The following PARD3B variants were observed in gnomAD, a reference collection of about 807,000 sequenced individuals.
PARD3B encodes partitioning defective 3 homolog B.
A neutral mutation model predicts 130.2 loss-of-function variants in PARD3B; 103 were observed. The observed-to-expected ratio is 0.79, with a 90% CI of 0.67 to 0.93. The LOEUF (loss-of-function observed/expected upper bound fraction) is 0.93. PARD3B is among the 40% of genes least tolerant of loss of function. PARD3B has a pLI of 0.00. For synonymous variants in PARD3B, 583 were observed against 553.2 expected (o/e 1.05, Z -0.76); for missense variants, 1,609 against 1,499.2 (o/e 1.07, Z -1.21).
chr2:204,910,491 A>G (rs1023032669), intron 2 of PARD3B, among the ~76,000 whole-genome samples: 1 of 152,208 alleles, frequency 6.6e-6, no homozygotes, highest in African/African-American at 2.4e-5. Flanking sequence ...GTGAAGCAAA[A>G]GCAATTAAAT....
At chr2:205,227,471 C>A (rs769338073) in intron 15 of PARD3B, among the ~76,000 whole-genome samples, 47 of 152,182 alleles carry the variant, frequency 3.1e-4, no homozygotes, top group South Asian at 8.3e-4. Context: ...GCCCTGAAAT[C>A]TATTTTGCCT....
At chr2:204,732,739 CT>C (rs921573495) in intron 2 of PARD3B, among the ~76,000 whole-genome samples, 1 of 152,134 alleles carries the variant, frequency 6.6e-6, no homozygotes, top group Non-Finnish European at 1.5e-5. Context: ...ACATGTGTAC[CT>C]TACTTATGGA....
chr2:205,515,097 T>C (rs907962779), intron 21 of PARD3B, among the ~76,000 whole-genome samples: 1 of 152,152 alleles, frequency 6.6e-6, no homozygotes, highest in Admixed American at 6.6e-5. Flanking sequence ...AGTACTTGGT[T>C]TTCTGTTCCT....
intron 2 of PARD3B, among the ~76,000 whole-genome samples, chr2:204,916,545 T>A (rs1303581267): frequency 6.6e-6 from 1 of 152,206 alleles, no homozygotes; most frequent in Non-Finnish European, 1.5e-5. Flanking sequence ...TTTACATTTT[T>A]TACATGAGTG....
chr2:205,121,651 T>C lies in PARD3B; in HGVS notation c.867T>C (p.Pro289=). The C allele has an allele frequency of 6.2e-7, 1 of 1,614,162 alleles. No individual in the cohort carries two copies. Among genetic ancestry groups the C allele is most frequent in the Non-Finnish European group, 8.5e-7 (1 of 1,180,022 alleles). ...KSPSVLLHVL[P]PQNREQYEKS... ...CAAGTGTGCTCCTCCACGTGCTTCCTCCACAAAACCGTGAACAGTATGAAA... is the reference window on the plus strand; with the variant it reads ...CAAGTGTGCTCCTCCACGTGCTTCCCCCACAAAACCGTGAACAGTATGAAA... The change falls in exon 8 of 23, where the codon CCT becomes CCC. Residue 289 remains proline (P), a synonymous_variant. Coordinates refer to ENST00000406610, the MANE Select transcript of PARD3B (RefSeq NM_001302769.2). The surrounding 1 kb of genome is among the most constrained non-coding windows in gnomAD (Gnocchi z 5.0).
intron 3 of PARD3B, among the ~76,000 whole-genome samples, chr2:204,999,295 G>A (rs1362005340): frequency 6.6e-6 from 1 of 152,092 alleles, no homozygotes; most frequent in African/African-American, 2.4e-5. Context: ...GAGATGGAAG[G>A]AATGACTCGT....
chr2:205,538,472 T>TACACACACAC (rs71410824), intron 21 of PARD3B, among the ~76,000 whole-genome samples: 1 of 150,736 alleles, frequency 6.6e-6, no homozygotes, highest in African/African-American at 2.4e-5. Context: ...CACGTGTGTG[T>TACACACACAC]ACACACACAC....
At chr2:205,100,483 G>A (rs1431468499) in intron 4 of PARD3B, among the ~76,000 whole-genome samples, 1 of 151,506 alleles carries the variant, frequency 6.6e-6, no homozygotes, top group African/African-American at 2.4e-5. Flanking sequence ...TTAACAAACT[G>A]ATTCCAAAAT....
chr2:204,997,333 A>G (rs561179710), intron 3 of PARD3B, among the ~76,000 whole-genome samples: 175 of 152,322 alleles, frequency 1.1e-3, no homozygotes, highest in Middle Eastern at 3.4e-3. Context: ...ATTAGTTTGG[A>G]GAGAATTGGC....
intron 2 of PARD3B, among the ~76,000 whole-genome samples, chr2:204,690,540 A>T (rs1339899857): frequency 6.6e-6 from 1 of 152,130 alleles, no homozygotes; most frequent in Non-Finnish European, 1.5e-5. Context: ...AGCTGTGAAG[A>T]TGGAGAAGGT....
intron 20 of PARD3B, among the ~76,000 whole-genome samples, chr2:205,468,619 A>G (rs2048714744): frequency 6.6e-6 from 1 of 152,064 alleles, no homozygotes; most frequent in Non-Finnish European, 1.5e-5. Flanking sequence ...GAACCACACA[A>G]CTGACCTCTT....
intron 2 of PARD3B, among the ~76,000 whole-genome samples, chr2:204,836,970 A>G (rs573974957): frequency 1.3e-4 from 20 of 152,320 alleles, no homozygotes; most frequent in African/African-American, 4.8e-4. Flanking sequence ...CAAAAACATT[A>G]TGTCTTTTGA....
intron 1 of PARD3B, among the ~76,000 whole-genome samples, chr2:204,594,747 A>C (rs1460361071): frequency 1.3e-5 from 2 of 152,174 alleles, no homozygotes; most frequent in Non-Finnish European, 2.9e-5. Context: ...TATTCTCTGA[A>C]CTATAAAAGT....
intron 2 of PARD3B, among the ~76,000 whole-genome samples, chr2:204,911,804 T>G (rs1423148998): frequency 6.6e-6 from 1 of 152,216 alleles, no homozygotes; most frequent in Non-Finnish European, 1.5e-5. Context: ...TTAACTGGCT[T>G]GAAAGTGGTT....
intron 21 of PARD3B, among the ~76,000 whole-genome samples, chr2:205,508,923 GA>G (rs1008044416): frequency 1.3e-5 from 2 of 148,382 alleles, no homozygotes; most frequent in South Asian, 2.1e-4. Context: ...AAAACAAAAA[GA>G]AAAAAAATTG....
Position 205,078,297 on chromosome 2 carries a change from G to A in PARD3B, c.505-26129G>A, listed in dbSNP as rs1004800973. ...TGTTCCTTTTATTAGATGTGACAGAGCAATTTAGTATTGTAGGTTCACTCA... is the reference window on the plus strand; with the variant it reads ...TGTTCCTTTTATTAGATGTGACAGAACAATTTAGTATTGTAGGTTCACTCA... On this transcript the variant is annotated intron_variant, in intron 4 of 22. Coordinates refer to ENST00000406610, the MANE Select transcript of PARD3B (RefSeq NM_001302769.2). This position sits in a 1 kb window ranked among gnomAD's most constrained non-coding sequence, Gnocchi z 4.0. 6.6e-6 allele frequency among the ~76,000 whole-genome samples: 1 copy of A among 152,170 alleles called. No homozygotes were observed. Among genetic ancestry groups the A allele is most frequent in the Non-Finnish European group, 1.5e-5 (1 of 68,026 alleles).
intron 13 of PARD3B, among the ~76,000 whole-genome samples, chr2:205,179,354 T>C (rs2035660297): frequency 1.3e-5 from 2 of 151,166 alleles, no homozygotes; most frequent in African/African-American, 4.9e-5. Flanking sequence ...CTGTAATGTC[T>C]ATAGTAGTGT....
rs1342772835 is a variant in PARD3B, at chr2:205,619,696, C to G, written c.*3883C>G. ...TAGATATCTAAAATAAGCCTAGAAT[C>G]TCACACACAGCTGTGACTTCTAAGT... On this transcript the variant is annotated 3_prime_UTR_variant, in exon 23 of 23. Transcript: ENST00000406610. 1 of 152,216 alleles carries G rather than the reference C, an allele frequency of 6.6e-6. No homozygotes were observed. 9.4% of individuals were successfully genotyped at this position (152,216 alleles called of 1,614,324 possible). A position where few individuals can be genotyped will look rare whatever the true frequency, so the allele number is the denominator to read the frequency against.
At chr2:204,617,540 A>AT (rs760904056) in intron 1 of PARD3B, among the ~76,000 whole-genome samples, 169 of 151,516 alleles carry the variant, frequency 1.1e-3, no homozygotes, top group Admixed American at 3.7e-3. Context: ...GCTTTCCAAC[A>AT]TTTTTTTTTC....
Sources: gnomAD v4.1 joint callset for allele counts (sites outside exome capture counted in the v4.1 genomes callset) on GRCh38, gnomAD v4.1.1 for gene constraint, Gnocchi (gnomAD v3.1) non-coding constraint, MANE v1.5 for transcripts, NCBI Gene and HGNC (gene_info 2026-07-23, HGNC 2026-07-21) for gene names.